Variants in NALF1 observed in about 807,000 individuals in gnomAD.
NALF1 encodes the protein NALCN channel auxiliary factor 1.
In NALF1, 3 loss-of-function variants were observed where a neutral mutation model predicts 48.4. The observed-to-expected ratio is 0.06, with a 90% CI of 0.03 to 0.16. The LOEUF (loss-of-function observed/expected upper bound fraction) is 0.16, where lower values mean the gene tolerates loss of function less well. Among genes scored for constraint, NALF1 ranks in the 10% least tolerant of loss-of-function variants. The pLI, the probability that NALF1 is intolerant of heterozygous loss-of-function variation, is 1.00. For synonymous variants in NALF1, 262 were observed against 245.7 expected (o/e 1.07, Z -0.62); for missense variants, 526 against 571.5 (o/e 0.92, Z 0.81).
At chr13:107,636,152 A>C (rs1224757506) in intron 1 of NALF1, among the ~76,000 whole-genome samples, 2 of 152,100 alleles carry the variant, frequency 1.3e-5, no homozygotes, top group Non-Finnish European at 2.9e-5. Flanking sequence ...GCACCAAAAG[A>C]AGCATGAAGC....
At chr13:107,615,916 T>C (rs913560762) in intron 1 of NALF1, among the ~76,000 whole-genome samples, 1 of 152,186 alleles carries the variant, frequency 6.6e-6, no homozygotes, top group Non-Finnish European at 1.5e-5. Flanking sequence ...AAAAGCCTTA[T>C]GGTAAGTTAG....
In NALF1 at chr13:107,164,757, A is replaced by C. The variant is rs150582398; in HGVS notation, c.*5740T>G. ...TTCAAACTGTATTGAAAATCTATTG[A>C]TGGTCAGTCTGCTAGCTTAAGGATG... On this transcript the variant is annotated 3_prime_UTR_variant, in exon 3 of 3. Coordinates refer to ENST00000375915, the MANE Select transcript of NALF1 (RefSeq NM_001080396.3). 4.6e-5 allele frequency: 7 copies of C among 152,094 alleles called. No homozygotes were observed. The highest frequency in any genetic ancestry group is 1.0e-4 in the Non-Finnish European group (7 of 68,028). The allele number at this position is 152,094 out of a possible 1,614,324, so 9.4% of individuals were successfully genotyped here.
At chr13:107,338,929 G>A (rs1283633308) in intron 1 of NALF1, among the ~76,000 whole-genome samples, 2 of 151,896 alleles carry the variant, frequency 1.3e-5, no homozygotes, top group African/African-American at 2.4e-5. Flanking sequence ...TCAGGAGGTC[G>A]AGTCCATCCT....
At chr13:107,518,873 A>T (rs556647736) in intron 1 of NALF1, among the ~76,000 whole-genome samples, 1 of 152,332 alleles carries the variant, frequency 6.6e-6, no homozygotes, top group South Asian at 2.1e-4. Flanking sequence ...ACAAGGCCAG[A>T]GTGATTCACA....
intron 1 of NALF1, among the ~76,000 whole-genome samples, chr13:107,286,199 A>C (rs1408571): frequency 0.75 from 113,491 of 152,068 alleles, 43,990 homozygotes; most frequent in South Asian, 0.88. Flanking sequence ...AGAAGTTTGA[A>C]AATTCCTGCA....
At chr13:107,233,416 T>G (rs1478091941) in intron 1 of NALF1, among the ~76,000 whole-genome samples, 1 of 152,342 alleles carries the variant, frequency 6.6e-6, no homozygotes, top group East Asian at 1.9e-4. Context: ...TGTACTCCAC[T>G]GTGTATGAAA....
intron 1 of NALF1, among the ~76,000 whole-genome samples, chr13:107,378,052 C>G (rs963953786): frequency 6.6e-6 from 1 of 152,140 alleles, no homozygotes; most frequent in Non-Finnish European, 1.5e-5. Context: ...TTCTGCTTTT[C>G]CTTTGTGGCC....
chr13:107,461,376 T>C (rs796677449), intron 1 of NALF1, among the ~76,000 whole-genome samples: 29 of 152,304 alleles, frequency 1.9e-4, no homozygotes, highest in African/African-American at 7.0e-4. Context: ...TGCATAAATA[T>C]TCACATCTAA....
At chr13:107,502,107 G>A (rs2146952) in intron 1 of NALF1, among the ~76,000 whole-genome samples, 56,495 of 151,780 alleles carry the variant, frequency 0.37, 12,443 homozygotes, top group Non-Finnish European at 0.5. Flanking sequence ...GCATTATCCC[G>A]AATGAAAAAA....
At chr13:107,288,627 G>A (rs1465242626) in intron 1 of NALF1, among the ~76,000 whole-genome samples, 2 of 150,364 alleles carry the variant, frequency 1.3e-5, no homozygotes, top group African/African-American at 2.4e-5. Flanking sequence ...CGCCTCCTCA[G>A]TTCAAGCGAT....
intron 1 of NALF1, among the ~76,000 whole-genome samples, chr13:107,854,364 G>A (rs893787769): frequency 6.6e-6 from 1 of 152,222 alleles, no homozygotes; most frequent in African/African-American, 2.4e-5. Flanking sequence ...GTGGCATGAG[G>A]CCATTGCCTG....
At chr13:107,351,115 G>C (rs931025412) in intron 1 of NALF1, among the ~76,000 whole-genome samples, 1 of 152,148 alleles carries the variant, frequency 6.6e-6, no homozygotes, top group Non-Finnish European at 1.5e-5. Context: ...GATTTGGTTT[G>C]CATAACAAAG....
At chr13:107,671,303 CAG>C (rs1211131632) in intron 1 of NALF1, among the ~76,000 whole-genome samples, 2 of 151,862 alleles carry the variant, frequency 1.3e-5, no homozygotes, top group Non-Finnish European at 2.9e-5. Context: ...ATGATAAAAA[CAG>C]AAAGAATTAC....
chr13:107,573,663 C>G (rs1321518877), intron 1 of NALF1, among the ~76,000 whole-genome samples: 1 of 150,482 alleles, frequency 6.6e-6, no homozygotes. Flanking sequence ...AATTGTAGCT[C>G]CCACGATTCC....
chr13:107,648,365 T>C lies in NALF1; in HGVS notation c.915+217317A>G, dbSNP rs182527088. ...CCCTCTTCTCCCTCCAAATCCACGA[T>C]AACCACTGATTTGTTTACTCTCTAT... On this transcript the variant is annotated intron_variant, in intron 1 of 2. Transcript: ENST00000375915. 1.6e-4 allele frequency among the ~76,000 whole-genome samples: 25 copies of C among 152,268 alleles called. No individual in the cohort carries two copies. In the East Asian group the frequency reaches 4.8e-3, roughly 29 times the overall value.
At chr13:107,806,060 T>C (rs1263739526) in intron 1 of NALF1, among the ~76,000 whole-genome samples, 1 of 152,192 alleles carries the variant, frequency 6.6e-6, no homozygotes, top group Admixed American at 6.5e-5. Context: ...ATCCCTTTTG[T>C]AACAGTTTCA....
intron 1 of NALF1, among the ~76,000 whole-genome samples, chr13:107,774,906 CAT>C (rs1877682309): frequency 6.6e-6 from 1 of 152,134 alleles, no homozygotes; most frequent in Admixed American, 6.5e-5. Context: ...ATATTATGCA[CAT>C]GTGTCTTAGA....
chr13:107,771,700 T>A (rs184210033), intron 1 of NALF1, among the ~76,000 whole-genome samples: 158 of 152,270 alleles, frequency 1.0e-3, no homozygotes, highest in African/African-American at 3.4e-3. Context: ...AGACTCAGAC[T>A]TGAGAGTGTC....
intron 1 of NALF1, among the ~76,000 whole-genome samples, chr13:107,850,486 C>T (rs1485752511): frequency 2.6e-5 from 4 of 152,104 alleles, no homozygotes; most frequent in Non-Finnish European, 1.5e-5. Flanking sequence ...CACGAAAAGC[C>T]GAATCATGGC....
Sources: allele counts gnomAD v4.1 joint callset (sites outside exome capture counted in the v4.1 genomes callset), GRCh38; gene constraint gnomAD v4.1.1; transcripts MANE v1.5; gene names NCBI Gene and HGNC (gene_info 2026-07-23, HGNC 2026-07-21).